CDYL2: variants seen among roughly 807,000 people sequenced by gnomAD.
CDYL2 encodes chromodomain Y like 2.
A neutral mutation model predicts 49.4 loss-of-function variants in CDYL2; 23 were observed. The observed-to-expected ratio is 0.47, with a 90% CI of 0.34 to 0.66. CDYL2 has a LOEUF of 0.66. Among genes scored for constraint, CDYL2 ranks in the 30% least tolerant of loss-of-function variants. CDYL2 has a pLI of 0.01. For missense variants in CDYL2, 678 were observed against 656.4 expected, an observed-to-expected ratio of 1.03 and a Z score of -0.36; for synonymous variants, 360 against 268.8, an observed-to-expected ratio of 1.34 and a Z score of -3.32.
chr16:80,679,432 G>A (rs1363687869), intron 2 of CDYL2, among the ~76,000 whole-genome samples: 2 of 152,210 alleles, frequency 1.3e-5, no homozygotes, highest in East Asian at 1.9e-4. Flanking sequence ...CCGTGGTATA[G>A]AGGCCAGCTC....
intron 3 of CDYL2, among the ~76,000 whole-genome samples, chr16:80,631,890 A>G (rs1161290534): frequency 6.6e-6 from 1 of 152,230 alleles, no homozygotes; most frequent in African/African-American, 2.4e-5. Context: ...CAGACGTAAC[A>G]AGTGTTATCG....
At chr16:80,748,343 G>A (rs1019567621) in intron 1 of CDYL2, among the ~76,000 whole-genome samples, 12 of 148,254 alleles carry the variant, frequency 8.1e-5, no homozygotes, top group African/African-American at 2.2e-4. Context: ...TGACTAACAC[G>A]GTGAAACCCC....
At chr16:80,757,553 A>C (rs2549736) in intron 1 of CDYL2, among the ~76,000 whole-genome samples, 1 of 143,860 alleles carries the variant, frequency 7.0e-6, no homozygotes, top group East Asian at 2.0e-4. Flanking sequence ...AAAAAAAAAA[A>C]ATATATATAT....
intron 1 of CDYL2, chr16:80,735,226 T>C (rs866083859): frequency 2.0e-5 from 3 of 152,174 alleles, no homozygotes; most frequent in Admixed American, 6.5e-5. Context: ...CAACCAAGAA[T>C]AGATCATGCC....
chr16:80,715,999 G>C (rs1000362368), intron 1 of CDYL2, among the ~76,000 whole-genome samples: 2 of 152,258 alleles, frequency 1.3e-5, no homozygotes, highest in African/African-American at 2.4e-5. Context: ...CTTGGGCAGA[G>C]AGCTAAATCT....
At chr16:80,799,342 C>A (rs923079186) in intron 1 of CDYL2, among the ~76,000 whole-genome samples, 9 of 152,096 alleles carry the variant, frequency 5.9e-5, no homozygotes, top group African/African-American at 2.2e-4. Flanking sequence ...ACACCATCAT[C>A]CCTATTAACA....
In CDYL2 at chr16:80,612,491, G is replaced by T; in HGVS notation, c.1218+135C>A. ...CTACTCCATCTGGCACTGAAGGTGT[G>T]AAGGACATGAGGCAGCCAAGCCAAT... is the stretch of plus-strand genomic sequence containing the variant. On this transcript the variant is annotated intron_variant, in intron 5 of 6. Coordinates refer to ENST00000570137, the MANE Select transcript of CDYL2 (RefSeq NM_152342.4). This position sits in a 1 kb window ranked among gnomAD's most constrained non-coding sequence, Gnocchi z 5.0. The T allele has an allele frequency of 2.5e-6, 2 of 798,410 alleles. No homozygotes were observed. The highest frequency in any genetic ancestry group is 1.8e-5 in the South Asian group (1 of 55,858). The allele number at this position is 798,410 out of a possible 1,614,324, so 49.5% of individuals were successfully genotyped here.
intron 4 of CDYL2, among the ~76,000 whole-genome samples, chr16:80,615,635 A>G (rs963670803): frequency 6.6e-6 from 1 of 152,128 alleles, no homozygotes; most frequent in African/African-American, 2.4e-5. Flanking sequence ...AATGGACTGC[A>G]GCCCTTGTGA....
At chr16:80,678,628 A>T in intron 2 of CDYL2, among the ~76,000 whole-genome samples, 1 of 149,328 alleles carries the variant, frequency 6.7e-6, no homozygotes, top group Non-Finnish European at 1.5e-5. Flanking sequence ...GCTGGAGAGG[A>T]TGTGGAGAAA....
chr16:80,784,972 A>G (rs1401302242), intron 1 of CDYL2, among the ~76,000 whole-genome samples: 1 of 152,192 alleles, frequency 6.6e-6, no homozygotes, highest in East Asian at 1.9e-4. Flanking sequence ...GGATAGCTGC[A>G]TGAACAAAAA....
intron 2 of CDYL2, among the ~76,000 whole-genome samples, chr16:80,642,000 T>A (rs1180891986): frequency 6.6e-6 from 1 of 151,698 alleles, no homozygotes; most frequent in East Asian, 1.9e-4. Flanking sequence ...ACATTGTAAC[T>A]GTGGGATGTA....
chr16:80,693,586 A>C (rs372253092), intron 1 of CDYL2, among the ~76,000 whole-genome samples: 1 of 152,236 alleles, frequency 6.6e-6, no homozygotes, highest in African/African-American at 2.4e-5. Context: ...TCCGTATAAC[A>C]GAATACCACT....
chr16:80,742,586 G>A lies in CDYL2; in HGVS notation c.25-57457C>T, dbSNP rs533400736. The stretch of plus-strand genomic sequence containing the variant: ...TGAGTGGATATATAAATGGGTGAGT[G>A]GGTAGATAGGTGGAGGATGGATGGA... On this transcript the variant is annotated intron_variant, in intron 1 of 6. Coordinates refer to ENST00000570137, the MANE Select transcript of CDYL2 (RefSeq NM_152342.4). Among the ~76,000 whole-genome samples, 6 of 151,908 alleles carry A rather than the reference G, an allele frequency of 3.9e-5. No individual in the cohort carries two copies. In the East Asian group the frequency reaches 1.2e-3, roughly 30 times the overall value.
intron 1 of CDYL2, among the ~76,000 whole-genome samples, chr16:80,751,639 T>C (rs768576611): frequency 1.3e-5 from 2 of 152,140 alleles, no homozygotes; most frequent in Non-Finnish European, 2.9e-5. Flanking sequence ...TGATTCTTAG[T>C]CAAAGAAGGA....
At chr16:80,679,702 A>G (rs1909897227) in intron 2 of CDYL2, 2 of 455,982 alleles carry the variant, frequency 4.4e-6, no homozygotes, top group Non-Finnish European at 8.8e-6. Context: ...CCAGGTGCAG[A>G]GCACAAGCAC....
intron 2 of CDYL2, among the ~76,000 whole-genome samples, chr16:80,651,587 A>G (rs1311580300): frequency 2.0e-5 from 3 of 152,262 alleles, no homozygotes; most frequent in Non-Finnish European, 4.4e-5. Context: ...ATTTAAAAGC[A>G]TGCCAATTTA....
At chr16:80,776,413 G>C (rs1439404607) in intron 1 of CDYL2, among the ~76,000 whole-genome samples, 2 of 151,858 alleles carry the variant, frequency 1.3e-5, no homozygotes, top group Admixed American at 6.6e-5. Context: ...CTTTGGCACG[G>C]ATATACTAGG....
chr16:80,780,114 G>C (rs1312811377), intron 1 of CDYL2, among the ~76,000 whole-genome samples: 1 of 152,084 alleles, frequency 6.6e-6, no homozygotes, highest in Non-Finnish European at 1.5e-5. Flanking sequence ...GTAAAACTGT[G>C]ACCAGAATTT....
intron 1 of CDYL2, among the ~76,000 whole-genome samples, chr16:80,727,441 G>A (rs908268985): frequency 5.9e-5 from 9 of 152,230 alleles, no homozygotes; most frequent in African/African-American, 1.9e-4. Flanking sequence ...TGGCTCGGAA[G>A]GTCCTACGCC....
Sources: allele counts gnomAD v4.1 joint callset (sites outside exome capture counted in the v4.1 genomes callset), GRCh38; gene constraint gnomAD v4.1.1; non-coding constraint Gnocchi (gnomAD v3.1); transcripts MANE v1.5; gene names NCBI Gene and HGNC (gene_info 2026-07-23, HGNC 2026-07-21).